SOX5: variants seen among roughly 807,000 people sequenced by gnomAD.
The protein encoded by SOX5 is SRY-box transcription factor 5.
SOX5 carries 9 observed loss-of-function variants against 92.0 expected under a neutral mutation model. That is an observed-to-expected ratio of 0.10 (90% CI 0.06 to 0.17). The LOEUF (loss-of-function observed/expected upper bound fraction) is 0.17. SOX5 is among the 10% of genes least tolerant of loss of function. SOX5 has a pLI of 1.00. For missense variants in SOX5, 642 were observed against 944.5 expected, an observed-to-expected ratio of 0.68 and a Z score of 4.20; for synonymous variants, 344 against 336.3, an observed-to-expected ratio of 1.02 and a Z score of -0.25.
chr12:24,545,546 C>T (rs975768179), intron 1 of SOX5, among the ~76,000 whole-genome samples: 6 of 151,888 alleles, frequency 4.0e-5, no homozygotes, highest in East Asian at 1.9e-4. Context: ...ATACGAATAA[C>T]GCAAACATAA....
intron 4 of SOX5, among the ~76,000 whole-genome samples, chr12:23,965,594 A>G (rs989692110): frequency 1.3e-5 from 2 of 151,898 alleles, no homozygotes; most frequent in African/African-American, 4.8e-5. Context: ...GCAACATTTC[A>G]TTGTTTTCTG....
intron 1 of SOX5, among the ~76,000 whole-genome samples, chr12:23,908,471 A>G (rs1169562566): frequency 6.6e-6 from 1 of 152,052 alleles, no homozygotes; most frequent in Non-Finnish European, 1.5e-5. Context: ...CTTTCTTTCC[A>G]TGCCCCATAC....
chr12:24,524,383 C>CTATCTATCTATG (rs1194745936), intron 1 of SOX5, among the ~76,000 whole-genome samples: 62 of 152,010 alleles, frequency 4.1e-4, no homozygotes, highest in African/African-American at 1.4e-3. Flanking sequence ...ATCTATCTAT[C>CTATCTATCTATG]TATCCATCCA....
chr12:24,311,320 T>C lies in SOX5; in HGVS notation c.-173-34008A>G, dbSNP rs148463322. 2.0e-4 allele frequency among the ~76,000 whole-genome samples: 31 copies of C among 152,342 alleles called. No homozygotes were observed. The East Asian group carries it at 5.2e-3, about 26-fold the overall frequency. On this transcript the variant is annotated intron_variant, in intron 2 of 4. Coordinates refer to the SOX5 transcript ENST00000446891. ...AAAAATATAGTTTTTCCTGGGCCTT[T>C]TGAGCCATCATTTCTGAAGGTTCAT...
At chr12:23,710,155 G>C (rs188971791) in intron 6 of SOX5, among the ~76,000 whole-genome samples, 224 of 152,082 alleles carry the variant, frequency 1.5e-3, no homozygotes, top group Admixed American at 2.7e-3. Context: ...CGGTAAGAAA[G>C]AGAAAGTTCT....
chr12:23,617,907 T>C (rs1280599554), intron 8 of SOX5, among the ~76,000 whole-genome samples: 3 of 152,222 alleles, frequency 2.0e-5, no homozygotes, highest in African/African-American at 7.2e-5. Flanking sequence ...CCTCCCTGTA[T>C]TTCTACTCCA....
intron 2 of SOX5, among the ~76,000 whole-genome samples, chr12:24,318,307 G>A (rs1300259077): frequency 6.6e-6 from 1 of 152,154 alleles, no homozygotes; most frequent in Admixed American, 6.5e-5. Context: ...AGCAAAAGCA[G>A]TGTGTGTGAT....
rs1272659286 is a variant in SOX5 at position 23,534,836 on chromosome 12, A to G, written c.1989-314T>C. 2.0e-5 allele frequency among the ~76,000 whole-genome samples: 3 copies of G among 151,370 alleles called. No individual in the cohort carries two copies. In the East Asian group the frequency reaches 5.9e-4, roughly 30 times the overall value. On this transcript the variant is annotated intron_variant, in intron 14 of 14. Transcript: ENST00000451604. ...GCGATTCTCCTGCCTCAGCCCCCCA[A>G]GTAGCTGGGAATACAGGCGCCTGCC...
At chr12:24,016,689 G>A (rs1285638631) in intron 4 of SOX5, among the ~76,000 whole-genome samples, 1 of 152,182 alleles carries the variant, frequency 6.6e-6, no homozygotes. Flanking sequence ...AAAGAGTTTG[G>A]CGTCCGCCTT....
intron 1 of SOX5, among the ~76,000 whole-genome samples, chr12:24,449,018 T>G (rs1566190967): frequency 6.6e-6 from 1 of 152,092 alleles, no homozygotes; most frequent in Non-Finnish European, 1.5e-5. Context: ...TAGCACATCC[T>G]AGGTTTAATT....
At chr12:23,861,783 C>G (rs1359757999) in intron 2 of SOX5, among the ~76,000 whole-genome samples, 4 of 152,126 alleles carry the variant, frequency 2.6e-5, no homozygotes, top group African/African-American at 9.7e-5. Flanking sequence ...GCTATGCCTA[C>G]CAGCTTTGAG....
chr12:23,614,247 C>A (rs1372224118), intron 8 of SOX5, among the ~76,000 whole-genome samples: 1 of 152,222 alleles, frequency 6.6e-6, no homozygotes, highest in Non-Finnish European at 1.5e-5. Flanking sequence ...ATAAAGTTAA[C>A]CTTCAAATCA....
chr12:24,514,004 G>T (rs146504965), intron 1 of SOX5, among the ~76,000 whole-genome samples: 2 of 152,310 alleles, frequency 1.3e-5, no homozygotes, highest in East Asian at 3.9e-4. Context: ...TTTGAGAGCA[G>T]CACAAAGCCA....
At chr12:24,356,837 C>A (rs1178482397) in intron 2 of SOX5, among the ~76,000 whole-genome samples, 1 of 152,108 alleles carries the variant, frequency 6.6e-6, no homozygotes. Flanking sequence ...ATTACTTGGA[C>A]TTAAGTAATG....
intron 4 of SOX5, among the ~76,000 whole-genome samples, chr12:24,027,910 A>T: frequency 6.6e-6 from 1 of 151,976 alleles, no homozygotes; most frequent in East Asian, 1.9e-4. Flanking sequence ...CAAGTCCACG[A>T]AAAACATCTT....
chr12:23,738,184 C>T (rs764804588), intron 5 of SOX5, among the ~76,000 whole-genome samples: 19 of 152,198 alleles, frequency 1.2e-4, no homozygotes, highest in Non-Finnish European at 2.2e-4. Flanking sequence ...CATCAGTAAA[C>T]AGGTCCTTTA....
intron 4 of SOX5, among the ~76,000 whole-genome samples, chr12:24,077,593 C>T (rs1942783663): frequency 6.6e-6 from 1 of 151,600 alleles, no homozygotes; most frequent in South Asian, 2.1e-4. Context: ...TTTCAGTCTT[C>T]ATCATACACA....
intron 1 of SOX5, among the ~76,000 whole-genome samples, chr12:24,478,567 A>T (rs533707973): frequency 3.3e-5 from 5 of 152,188 alleles, no homozygotes; most frequent in Non-Finnish European, 5.9e-5. Context: ...TGAGCTTATT[A>T]CTGTTCCTGT....
chr12:24,479,856 G>A (rs966375399), intron 1 of SOX5, among the ~76,000 whole-genome samples: 1 of 151,962 alleles, frequency 6.6e-6, no homozygotes, highest in African/African-American at 2.4e-5. Context: ...AGTAGAAGCG[G>A]GGTTTTACCC....
Sources: allele counts gnomAD v4.1 joint callset (sites outside exome capture counted in the v4.1 genomes callset), GRCh38; gene constraint gnomAD v4.1.1; transcripts MANE v1.5; gene names NCBI Gene and HGNC (gene_info 2026-07-23, HGNC 2026-07-21).